Variants in WDR36 observed in about 807,000 individuals in gnomAD.
WDR36 encodes WD repeat-containing protein 36.
WDR36 carries 63 observed loss-of-function variants against 112.7 expected under a neutral mutation model. That is an observed-to-expected ratio of 0.56 (90% CI 0.46 to 0.69). The LOEUF is 0.69. WDR36 is among the 30% of genes least tolerant of loss of function. The pLI is 0.00. For synonymous variants in WDR36, 410 were observed against 362.2 expected, an observed-to-expected ratio of 1.13 and a Z score of -1.50; for missense variants, 1,226 against 1,070.3, an observed-to-expected ratio of 1.15 and a Z score of -2.03.
Position 111,107,378 on chromosome 5 carries a change from C to G in WDR36, c.1265C>G (p.Ser422Cys). 7 of 1,610,562 alleles carry G rather than the reference C, an allele frequency of 4.3e-6. No individual in the cohort carries two copies. Among genetic ancestry groups the G allele is most frequent in the Non-Finnish European group, 5.9e-6 (7 of 1,177,740 alleles). The change falls in exon 12 of 23, where the codon TCT (serine) becomes TGT (cysteine). Residue 422 changes from serine (S) to cysteine (C), a missense_variant. Transcript: ENST00000513710. ...LSCSTWNYQKSTIGAYFLKPK... is the reference protein window; with the variant it reads ...LSCSTWNYQKCTIGAYFLKPK... The stretch of plus-strand genomic sequence containing the variant: ...TGCTCAACCTGGAATTATCAGAAAT[C>G]TACAATAGGCGCTTACTTTCTCAAG...
chr5:111,102,945 T>A (rs1181293781), intron 6 of WDR36, among the ~76,000 whole-genome samples: 3 of 151,364 alleles, frequency 2.0e-5, no homozygotes, highest in Non-Finnish European at 4.4e-5. Flanking sequence ...TACCCTTATC[T>A]TTTTCAGTAT....
chr5:111,127,405 T>C lies in WDR36; in HGVS notation c.*522T>C, dbSNP rs1190071936. On this transcript the variant is annotated 3_prime_UTR_variant, in exon 23 of 23. Coordinates refer to ENST00000513710, the MANE Select transcript of WDR36 (RefSeq NM_139281.3). The stretch of plus-strand genomic sequence containing the variant: ...AATGTCAGATAAAACTGATACATGA[T>C]GTAGTTATAAAAATGCTGTTATGAA... 5.0e-6 allele frequency: 1 copy of C among 200,648 alleles called. No individual in the cohort carries two copies. Among genetic ancestry groups the C allele is most frequent in the East Asian group, 7.7e-5 (1 of 13,002 alleles). The allele number at this position is 200,648 out of a possible 1,614,324, so 12.4% of individuals were successfully genotyped here. A position where few individuals can be genotyped will look rare whatever the true frequency, so the allele number is the denominator to read the frequency against.
chr5:111,120,344 A>G (rs1271810666), intron 17 of WDR36, 152 bp from the exon 18 acceptor site: 5 of 642,224 alleles, frequency 7.8e-6, no homozygotes, highest in South Asian at 1.9e-5. Context: ...CATCTATGAC[A>G]TAAGTCAAGG....
intron 16 of WDR36, among the ~76,000 whole-genome samples, chr5:111,114,119 A>G (rs1179936485): frequency 6.6e-6 from 1 of 152,190 alleles, no homozygotes; most frequent in Non-Finnish European, 1.5e-5. Context: ...GGCTTTAAAG[A>G]GAAAGTGGTA....
intron 11 of WDR36, among the ~76,000 whole-genome samples, chr5:111,106,406 A>G (rs1753222779): frequency 6.6e-6 from 1 of 151,426 alleles, no homozygotes; most frequent in African/African-American, 2.4e-5. Context: ...TTATTCTGTC[A>G]TATGCCTGGT....
intron 9 of WDR36, 146 bp from the exon 10 acceptor site, chr5:111,105,149 A>G (rs1753199340): frequency 2.5e-6 from 2 of 797,080 alleles, no homozygotes; most frequent in South Asian, 3.2e-5. Context: ...GAATATTTTA[A>G]TGAAGTAGTT....
chr5:111,107,521 A>C, intron 12 of WDR36, 82 bp downstream of exon 12: 1 of 1,551,334 alleles, frequency 6.4e-7, no homozygotes, highest in Non-Finnish European at 8.8e-7. Flanking sequence ...TTCTCATCAT[A>C]ATATTGACTG....
At chr5:111,103,202 T>C (rs1027160660) in intron 6 of WDR36, among the ~76,000 whole-genome samples, 7 of 151,752 alleles carry the variant, frequency 4.6e-5, no homozygotes, top group African/African-American at 1.7e-4. Context: ...TGGACATTGA[T>C]CTTTGCTAAA....
intron 15 of WDR36, among the ~76,000 whole-genome samples, chr5:111,112,496 A>C (rs568438707): frequency 2.7e-4 from 41 of 152,076 alleles, no homozygotes; most frequent in Non-Finnish European, 5.2e-4. Context: ...GTAAACTTTA[A>C]AGTTTTTCCT....
chr5:111,107,608 T>G (rs1753245694), intron 12 of WDR36, among the ~76,000 whole-genome samples, 169 bp downstream of exon 12: 2 of 151,442 alleles, frequency 1.3e-5, no homozygotes, highest in South Asian at 4.1e-4. Flanking sequence ...TTCTAAGAGT[T>G]TTCTAGTTTT....
At chr5:111,099,456 T>TTTTTG (rs1753070140) in intron 4 of WDR36, among the ~76,000 whole-genome samples, 1 of 68,086 alleles carries the variant, frequency 1.5e-5, no homozygotes, top group African/African-American at 6.3e-5. Context: ...TTTTTGTTTT[T>TTTTTG]TTTTTTGTTT....
chr5:111,130,334 G>C lies in WDR36; in HGVS notation c.*3451G>C, dbSNP rs1018554148. On this transcript the variant is annotated 3_prime_UTR_variant, in exon 23 of 23. Coordinates refer to ENST00000513710, the MANE Select transcript of WDR36 (RefSeq NM_139281.3). ...TTTTATTTGTGTTTGGTTGAAAAAA[G>C]TTTGCATATAAGTGAAACTTAGCAT... is the stretch of plus-strand genomic sequence containing the variant. 1.1e-5 allele frequency: 2 copies of C among 188,840 alleles called. No individual in the cohort carries two copies. Among genetic ancestry groups the C allele is most frequent in the Admixed American group, 1.2e-4 (2 of 16,196 alleles). 11.7% of individuals were successfully genotyped at this position (188,840 alleles called of 1,614,324 possible).
chr5:111,119,218 A>G (rs1753518366), intron 17 of WDR36, 98 bp downstream of exon 17: 2 of 944,578 alleles, frequency 2.1e-6, no homozygotes, highest in African/African-American at 1.6e-5. Flanking sequence ...TTTTAAGTGT[A>G]TTAAATGGAA....
chr5:111,100,707 G>T lies in WDR36; in HGVS notation c.528G>T (p.Trp176Cys). ...LGSEQGSLQLWNVKSNKLLYT... is the reference protein window; with the variant it reads ...LGSEQGSLQLCNVKSNKLLYT... ...GTGAACAAGGAAGCCTGCAGTTGTG[G>T]AATGTAAAATCCAAGTAAGTATTTT... Residue 176 changes from tryptophan to cysteine, a missense_variant, in exon 5 of 23, where the codon TGG becomes TGT. Transcript: ENST00000513710. The T allele has an allele frequency of 1.2e-6, 2 of 1,608,698 alleles. No individual in the cohort carries two copies. Among genetic ancestry groups the T allele is most frequent in the South Asian group, 1.1e-5 (1 of 90,512 alleles).
chr5:111,109,587 G>A (rs1181739396), intron 12 of WDR36, among the ~76,000 whole-genome samples: 1 of 151,106 alleles, frequency 6.6e-6, no homozygotes, highest in Non-Finnish European at 1.5e-5. Context: ...GACCAAATAT[G>A]TAGCCAGTCT....
At chr5:111,109,329 C>CT (rs1398630425) in intron 12 of WDR36, among the ~76,000 whole-genome samples, 2 of 151,248 alleles carry the variant, frequency 1.3e-5, no homozygotes, top group African/African-American at 4.8e-5. Context: ...ATCTAAAATA[C>CT]TTTTTTTAAA....
At position 111,092,563 on chromosome 5, in the gene WDR36, T is replaced by C; in HGVS notation, c.107T>C (p.Leu36Pro). 7 of 1,614,174 alleles carry C rather than the reference T, an allele frequency of 4.3e-6. No homozygotes were observed. The highest frequency in any genetic ancestry group is 1.1e-5 in the South Asian group (1 of 91,088). ...CCACACGTGGTGCGGTTCAGCGCGC[T>C]CAAGCGCCGGTTCTATGTAACAACC... ...DIPHVVRFSALKRRFYVTTCV... is the reference protein window; with the variant it reads ...DIPHVVRFSAPKRRFYVTTCV... Residue 36 changes from leucine (L) to proline (P), a missense_variant, in exon 1 of 23, where the codon CTC becomes CCC. Transcript: ENST00000513710.
chr5:111,102,596 A>T (rs995258509), intron 6 of WDR36, among the ~76,000 whole-genome samples, 197 bp downstream of exon 6: 1 of 151,846 alleles, frequency 6.6e-6, no homozygotes, highest in African/African-American at 2.4e-5. Context: ...AATAACACTT[A>T]TTGGAGTCCT....
chr5:111,124,762 T>C (rs1753644658), intron 21 of WDR36, among the ~76,000 whole-genome samples: 1 of 152,214 alleles, frequency 6.6e-6, no homozygotes, highest in Non-Finnish European at 1.5e-5. Context: ...CTTGTCCTCT[T>C]GTTTTGATTC....
Sources: gnomAD v4.1 joint callset for allele counts (sites outside exome capture counted in the v4.1 genomes callset) on GRCh38, gnomAD v4.1.1 for gene constraint, MANE v1.5 for transcripts, NCBI Gene and HGNC (gene_info 2026-07-23, HGNC 2026-07-21) for gene names.